Variants in B3GAT2 observed in about 807,000 individuals in gnomAD.
B3GAT2 encodes the protein beta-1,3-glucuronyltransferase 2.
B3GAT2 carries 26 observed loss-of-function variants against 27.8 expected under a neutral mutation model. The observed-to-expected ratio is 0.93, with a 90% CI of 0.68 to 1.30. The LOEUF (loss-of-function observed/expected upper bound fraction) is 1.30, where lower values mean the gene tolerates loss of function less well. Ranked by LOEUF, B3GAT2 falls within the 50% of genes most tolerant of loss-of-function variation. The pLI, the probability that B3GAT2 is intolerant of heterozygous loss-of-function variation, is 0.00. For missense variants in B3GAT2, 458 were observed against 459.0 expected (o/e 1.00, Z 0.02); for synonymous variants, 218 against 195.1 (o/e 1.12, Z -0.98).
At chr6:70,875,499 T>C (rs962793584) in intron 2 of B3GAT2, among the ~76,000 whole-genome samples, 19 of 152,250 alleles carry the variant, frequency 1.2e-4, no homozygotes, top group African/African-American at 4.6e-4. Flanking sequence ...TTCATGGCTC[T>C]AAGACTGAAT....
intron 2 of B3GAT2, among the ~76,000 whole-genome samples, chr6:70,875,601 C>A (rs943235720): frequency 6.6e-6 from 1 of 152,122 alleles, no homozygotes; most frequent in African/African-American, 2.4e-5. Flanking sequence ...CATAGCTTCC[C>A]GCATTTACTT....
At chr6:70,944,656 A>G (rs948636220) in intron 1 of B3GAT2, among the ~76,000 whole-genome samples, 1 of 152,182 alleles carries the variant, frequency 6.6e-6, no homozygotes, top group Non-Finnish European at 1.5e-5. Flanking sequence ...ACAGACAAAC[A>G]AAAAGATGGC....
rs1187959956 is a variant in B3GAT2 at position 70,857,963 on chromosome 6, G to A, written c.*3700C>T. 1 of 1,614,102 alleles carries A rather than the reference G, an allele frequency of 6.2e-7. No individual in the cohort carries two copies. The highest frequency in any genetic ancestry group is 8.5e-7 in the Non-Finnish European group (1 of 1,179,998). On this transcript the variant is annotated 3_prime_UTR_variant, in exon 4 of 4. Coordinates refer to ENST00000230053, the MANE Select transcript of B3GAT2 (RefSeq NM_080742.3). Reference sequence around the variant, plus strand: ...CACAAATATACCATTTACCTCACAAGCACCAGCTGCATTTCAGGGCTTTCC... The same window carrying A: ...CACAAATATACCATTTACCTCACAAACACCAGCTGCATTTCAGGGCTTTCC...
chr6:70,951,242 A>T (rs1411880389), intron 1 of B3GAT2, among the ~76,000 whole-genome samples: 1 of 152,208 alleles, frequency 6.6e-6, no homozygotes, highest in Non-Finnish European at 1.5e-5. Context: ...ATACCACCTG[A>T]AATAGTTAAT....
intron 1 of B3GAT2, among the ~76,000 whole-genome samples, chr6:70,949,273 A>G (rs935381374): frequency 6.6e-6 from 1 of 152,130 alleles, no homozygotes; most frequent in Non-Finnish European, 1.5e-5. Context: ...CAGGCAACCT[A>G]CAAAATGGGA....
intron 1 of B3GAT2, among the ~76,000 whole-genome samples, chr6:70,934,578 T>C (rs997860121): frequency 2.0e-5 from 3 of 152,154 alleles, no homozygotes; most frequent in Admixed American, 2.0e-4. Flanking sequence ...TTCTAACTAT[T>C]TGCATTCAAC....
chr6:70,862,996 C>T (rs947118187), intron 2 of B3GAT2, among the ~76,000 whole-genome samples: 8 of 152,226 alleles, frequency 5.3e-5, no homozygotes, highest in Admixed American at 2.6e-4. Flanking sequence ...AAGAATCATT[C>T]GTATTTAATC....
At chr6:70,914,641 T>G (rs754282896) in intron 1 of B3GAT2, among the ~76,000 whole-genome samples, 16 of 152,192 alleles carry the variant, frequency 1.1e-4, no homozygotes, top group Non-Finnish European at 1.9e-4. Context: ...AAATGCAACT[T>G]TTCTAAGACT....
intron 1 of B3GAT2, among the ~76,000 whole-genome samples, chr6:70,911,993 T>C (rs1772696097): frequency 6.6e-6 from 1 of 152,180 alleles, no homozygotes; most frequent in Non-Finnish European, 1.5e-5. Context: ...TGCACAGTGA[T>C]TTTGTACACT....
intron 1 of B3GAT2, among the ~76,000 whole-genome samples, chr6:70,903,780 A>G (rs1351888062): frequency 2.0e-5 from 3 of 152,200 alleles, no homozygotes; most frequent in African/African-American, 7.2e-5. Flanking sequence ...TAGGTCTCAT[A>G]TACATTCTTG....
chr6:70,946,759 C>A (rs972831433), intron 1 of B3GAT2, among the ~76,000 whole-genome samples: 5 of 151,952 alleles, frequency 3.3e-5, no homozygotes, highest in Non-Finnish European at 7.4e-5. Context: ...ACTCTCCACC[C>A]CAAATCAACA....
chr6:70,894,268 C>T lies in B3GAT2; in HGVS notation c.596G>A (p.Arg199Gln), dbSNP rs759621574. ...CCAGACGGAGACCTTGCGGGTGGTT[C>T]GCATCTATAAAAAGGGAAAAGACAT... ...TYSLELFQEM[R>Q]TTRKVSVWPV... Residue 199 changes from arginine to glutamine, a missense_variant, in exon 2 of 4, where the codon CGA becomes CAA. Physicochemically the swap from Arg to Gln is conservative, Grantham distance 43. Transcript: ENST00000230053. 3.6e-5 allele frequency: 57 copies of T among 1,569,414 alleles called. No individual in the cohort carries two copies. The highest frequency in any genetic ancestry group is 4.7e-5 in the South Asian group (4 of 84,774).
At chr6:70,914,705 G>A (rs1772740340) in intron 1 of B3GAT2, among the ~76,000 whole-genome samples, 1 of 151,932 alleles carries the variant, frequency 6.6e-6, no homozygotes, top group African/African-American at 2.4e-5. Flanking sequence ...CCTTATAGGT[G>A]TAAATATTTA....
intron 1 of B3GAT2, among the ~76,000 whole-genome samples, chr6:70,909,338 T>C: frequency 6.6e-6 from 1 of 152,132 alleles, no homozygotes; most frequent in Admixed American, 6.5e-5. Flanking sequence ...ATAACATAGA[T>C]GGGATAAAAG....
intron 1 of B3GAT2, among the ~76,000 whole-genome samples, chr6:70,902,699 C>A (rs961690746): frequency 6.7e-6 from 1 of 149,816 alleles, no homozygotes; most frequent in African/African-American, 2.5e-5. Context: ...CAATAGGGTA[C>A]TATTCTGCCT....
intron 1 of B3GAT2, among the ~76,000 whole-genome samples, chr6:70,899,941 C>A (rs1772468066): frequency 6.6e-6 from 1 of 152,156 alleles, no homozygotes. Flanking sequence ...CATGAAATAG[C>A]AGTTACATAA....
In B3GAT2 at chr6:70,860,420, ATTT is replaced by A; in HGVS notation, c.*1240_*1242del. 1 of 1,478,246 alleles carries A rather than the reference ATTT, an allele frequency of 6.8e-7. No individual in the cohort carries two copies. The highest frequency in any genetic ancestry group is 1.4e-5 in the South Asian group (1 of 71,720). The allele number at this position is 1,478,246 out of a possible 1,614,324, so 91.6% of individuals were successfully genotyped here. On this transcript the variant is annotated 3_prime_UTR_variant, in exon 4 of 4. Transcript: ENST00000230053. ...AGTTCCCCTGTTTATTCATATGCAT[ATTT>A]TTTTTCTTTTTACCCATTTGTTCAT... is the stretch of plus-strand genomic sequence containing the variant.
At chr6:70,905,791 A>C (rs895554396) in intron 1 of B3GAT2, among the ~76,000 whole-genome samples, 47 of 152,298 alleles carry the variant, frequency 3.1e-4, no homozygotes, top group African/African-American at 9.9e-4. Context: ...GCTACTCTAC[A>C]TCTCAAAAAA....
intron 2 of B3GAT2, among the ~76,000 whole-genome samples, chr6:70,884,095 CAAAAAAAAA>C (rs70990339): frequency 9.9e-6 from 1 of 100,694 alleles, no homozygotes. Context: ...CCTCAAGACT[CAAAAAAAAA>C]AAAAAAAAAC....
Sources: gnomAD v4.1 joint callset for allele counts (sites outside exome capture counted in the v4.1 genomes callset) on GRCh38, gnomAD v4.1.1 for gene constraint, MANE v1.5 for transcripts, NCBI Gene and HGNC (gene_info 2026-07-23, HGNC 2026-07-21) for gene names.